The following PAPOLG variants were observed in gnomAD, a reference collection of about 807,000 sequenced individuals.
The protein encoded by PAPOLG is poly(A) polymerase gamma, also known as PAP-gamma.
A neutral mutation model predicts 99.0 loss-of-function variants in PAPOLG; 40 were observed. That is an observed-to-expected ratio of 0.40 (90% confidence interval 0.31 to 0.53). The LOEUF is 0.53. PAPOLG is among the 20% of genes least tolerant of loss of function. The probability of loss-of-function intolerance (pLI) is 0.41; values close to 1 mark genes in which losing one functional copy is unlikely to be tolerated. For missense variants in PAPOLG, 675 were observed against 884.1 expected (o/e 0.76, Z 3.00); for synonymous variants, 310 against 299.3 (o/e 1.04, Z -0.37).
chr2:60,760,136 A>G lies in PAPOLG; in HGVS notation c.20A>G (p.Asn7Ser). 1 of 1,613,372 alleles carries G rather than the reference A, an allele frequency of 6.2e-7. No individual in the cohort carries two copies. The highest frequency in any genetic ancestry group is 1.3e-5 in the African/African-American group (1 of 75,002). The change falls in exon 2 of 22, where the codon AAC (asparagine) becomes AGC (serine). Residue 7 changes from asparagine to serine, a missense_variant and splice_region_variant. By Grantham distance (46) the Asn-to-Ser change is conservative. Around this residue, in one of 3 missense-constraint regions of PAPOLG, gnomAD observed 149 missense variants for 192.1 expected, o/e 0.78. Transcript: ENST00000238714. MKEMSA[N>S]TVLDSQRQQK... ...ATTTTTCTTATTTTCTTGAACAGAA[A>G]CACCGTGCTGGACAGCCAGCGTCAA... is the stretch of plus-strand genomic sequence containing the variant.
Position 60,801,899 on chromosome 2 carries a change from A to T in PAPOLG, c.*4739A>T, listed in dbSNP as rs936806550. On this transcript the variant is annotated 3_prime_UTR_variant, in exon 22 of 22. Coordinates refer to ENST00000238714, the MANE Select transcript of PAPOLG (RefSeq NM_022894.4). ...AGTACTTAGGATATCTTTGAGATTA[A>T]TGGTGCTACATCACTCTACAGTACT... The T allele has an allele frequency of 6.6e-6, 1 of 152,352 alleles. No individual in the cohort carries two copies. Among genetic ancestry groups the T allele is most frequent in the Non-Finnish European group, 1.5e-5 (1 of 68,036 alleles). 9.4% of individuals were successfully genotyped at this position (152,352 alleles called of 1,614,324 possible).
intron 3 of PAPOLG, among the ~76,000 whole-genome samples, chr2:60,763,097 C>T (rs2103760828): frequency 6.6e-6 from 1 of 151,174 alleles, no homozygotes; most frequent in Non-Finnish European, 1.5e-5. Flanking sequence ...TTTTTATAGA[C>T]AGGATCTCCC....
At chr2:60,790,876 GTCAGGA>G (rs1671510227) in intron 15 of PAPOLG, among the ~76,000 whole-genome samples, 2 of 152,260 alleles carry the variant, frequency 1.3e-5, no homozygotes, top group South Asian at 4.1e-4. Flanking sequence ...ATCACTTGAG[GTCAGGA>G]GTTCAAGACC....
intron 15 of PAPOLG, 117 bp downstream of exon 15, chr2:60,787,737 G>A (rs1309400494): frequency 1.5e-6 from 2 of 1,320,680 alleles, no homozygotes; most frequent in Non-Finnish European, 2.1e-6. Flanking sequence ...AAGTGAACAT[G>A]GCATATCCGT....
At chr2:60,789,344 T>C (rs1573252233) in intron 15 of PAPOLG, among the ~76,000 whole-genome samples, 2 of 151,190 alleles carry the variant, frequency 1.3e-5, no homozygotes, top group East Asian at 1.9e-4. Context: ...TAAAATAAAA[T>C]AGAAAATAAA....
At chr2:60,788,094 T>G (rs1022730967) in intron 15 of PAPOLG, among the ~76,000 whole-genome samples, 7 of 151,610 alleles carry the variant, frequency 4.6e-5, no homozygotes, top group African/African-American at 2.4e-5. Context: ...CAAGATATAT[T>G]AAGTGGGGGG....
At chr2:60,774,861 AC>A in intron 7 of PAPOLG, 172 bp from the exon 8 acceptor site, 1 of 690,168 alleles carries the variant, frequency 1.4e-6, no homozygotes, top group African/African-American at 1.9e-5. Context: ...TTTTTTAATT[AC>A]CCTAAAGCAA....
rs768282919 is a variant in PAPOLG at position 60,787,059 on chromosome 2, C to T, written c.1279C>T (p.His427Tyr). The change falls in exon 14 of 22, where the codon CAT becomes TAT. Residue 427 changes from histidine (H) to tyrosine (Y), a missense_variant. His to Tyr is a moderately conservative substitution (Grantham distance 83). This residue lies in a region of PAPOLG where 413 missense variants were observed against 460.5 expected (regional missense o/e 0.90). Transcript: ENST00000238714. ...PQSFPGNKEH[H>Y]KDNNYVSMWF... is the part of the protein sequence containing the mutation. ...GTCATTCCCAGGGAATAAGGAACATCATAAAGAGTAAGTTAATTGTTTTAT... is the reference window on the plus strand; with the variant it reads ...GTCATTCCCAGGGAATAAGGAACATTATAAAGAGTAAGTTAATTGTTTTAT... 8 of 1,599,366 alleles carry T rather than the reference C, an allele frequency of 5.0e-6. No homozygotes were observed. Among genetic ancestry groups the T allele is most frequent in the Admixed American group, 1.7e-5 (1 of 57,340 alleles).
intron 3 of PAPOLG, among the ~76,000 whole-genome samples, chr2:60,767,742 A>C (rs1670724419): frequency 1.3e-5 from 2 of 152,364 alleles, no homozygotes; most frequent in African/African-American, 4.8e-5. Flanking sequence ...CATACCTGTC[A>C]CAAAAACTAA....
intron 6 of PAPOLG, 22 bp from the exon 7 acceptor site, chr2:60,771,497 C>A: frequency 2.6e-6 from 4 of 1,561,178 alleles, no homozygotes; most frequent in Non-Finnish European, 3.4e-6. Context: ...ATTTTTTTCT[C>A]TTTTTTCACA....
intron 12 of PAPOLG, 62 bp from the exon 13 acceptor site, chr2:60,783,094 A>T (rs1274755667): frequency 7.0e-7 from 1 of 1,424,366 alleles, no homozygotes; most frequent in African/African-American, 1.5e-5. Flanking sequence ...GGGGATGATT[A>T]AAAAGCAGGC....
chr2:60,780,598 AC>A, intron 9 of PAPOLG, 108 bp from the exon 10 acceptor site: 1 of 1,176,418 alleles, frequency 8.5e-7, no homozygotes, highest in Non-Finnish European at 1.2e-6. Flanking sequence ...AATACCAAAT[AC>A]CCAGAACATT....
At chr2:60,760,814 G>A (rs1670501227) in intron 2 of PAPOLG, among the ~76,000 whole-genome samples, 1 of 152,186 alleles carries the variant, frequency 6.6e-6, no homozygotes, top group Admixed American at 6.5e-5. Context: ...TTTATTCTGA[G>A]TGAAATGAGA....
At chr2:60,773,154 C>T (rs909441039) in intron 7 of PAPOLG, among the ~76,000 whole-genome samples, 2 of 152,054 alleles carry the variant, frequency 1.3e-5, no homozygotes, top group Non-Finnish European at 2.9e-5. Flanking sequence ...CTCAAACTCT[C>T]GATATCAGGT....
chr2:60,785,513 C>G (rs941848664), intron 13 of PAPOLG, among the ~76,000 whole-genome samples: 2 of 151,912 alleles, frequency 1.3e-5, no homozygotes, highest in African/African-American at 4.8e-5. Flanking sequence ...ATTGTTTAAA[C>G]TTATCTTAGC....
At position 60,794,787 on chromosome 2, in the gene PAPOLG, A is replaced by T. The variant is rs751900926; in HGVS notation, c.2055+12A>T. The T allele has an allele frequency of 5.7e-6, 9 of 1,584,006 alleles. No individual in the cohort carries two copies. The South Asian group carries it at 1.0e-4, about 18-fold the overall frequency. ...AAAGAAAATCAGTGGTAAATATATT[A>T]ATAGTGTGCTTCAGAATATTTATTG... is the stretch of plus-strand genomic sequence containing the variant. On this transcript the variant is annotated intron_variant, in intron 20 of 21. Coordinates refer to ENST00000238714, the MANE Select transcript of PAPOLG (RefSeq NM_022894.4).
chr2:60,791,267 A>G (rs902673158), intron 15 of PAPOLG, among the ~76,000 whole-genome samples: 2 of 152,066 alleles, frequency 1.3e-5, no homozygotes, highest in Non-Finnish European at 2.9e-5. Flanking sequence ...TATTGGATTC[A>G]TGGCTGGGCA....
chr2:60,756,390 C>A lies in PAPOLG; in HGVS notation c.-89C>A, dbSNP rs1481208403. Reference sequence around the variant, plus strand: ...AGCGAGCAAGCGAGCTACTAGCGACCGGAGGAAAGTGAACAGGGGGAGAAG... The same window carrying A: ...AGCGAGCAAGCGAGCTACTAGCGACAGGAGGAAAGTGAACAGGGGGAGAAG... On this transcript the variant is annotated 5_prime_UTR_variant, in exon 1 of 22. Coordinates refer to ENST00000238714, the MANE Select transcript of PAPOLG (RefSeq NM_022894.4). 10 of 1,569,472 alleles carry A rather than the reference C, an allele frequency of 6.4e-6. No homozygotes were observed. The highest frequency in any genetic ancestry group is 7.9e-6 in the Non-Finnish European group (9 of 1,140,160).
chr2:60,769,173 T>C lies in PAPOLG; in HGVS notation c.438+283T>C, dbSNP rs139906563. 2.6e-5 allele frequency among the ~76,000 whole-genome samples: 4 copies of C among 152,326 alleles called. No homozygotes were observed. In the East Asian group the frequency reaches 7.7e-4, roughly 29 times the overall value. Reference sequence around the variant, plus strand: ...CCTGATCTGTAAAACAGAGATGTGGTAATAACTTTTTTATAAGGTTTTTGA... The same window carrying C: ...CCTGATCTGTAAAACAGAGATGTGGCAATAACTTTTTTATAAGGTTTTTGA... On this transcript the variant is annotated intron_variant, in intron 5 of 21. Transcript: ENST00000238714.
Sources: gnomAD v4.1 joint callset for allele counts (sites outside exome capture counted in the v4.1 genomes callset) on GRCh38, gnomAD v4.1.1 for gene constraint, gnomAD v4.1.1 regional missense constraint, MANE v1.5 for transcripts, NCBI Gene and HGNC (gene_info 2026-07-23, HGNC 2026-07-21) for gene names.